Variants in PRAG1 observed in about 807,000 individuals in gnomAD.
PRAG1 encodes inactive tyrosine-protein kinase PRAG1.
A neutral mutation model predicts 95.6 loss-of-function variants in PRAG1; 110 were observed. That is an observed-to-expected ratio of 1.15 (90% CI 0.99 to 1.35). The LOEUF (loss-of-function observed/expected upper bound fraction) is 1.35. PRAG1 is among the 40% of genes most tolerant of loss of function. The pLI, the probability that PRAG1 is intolerant of heterozygous loss-of-function variation, is 0.00. For synonymous variants in PRAG1, 1,052 were observed against 819.4 expected, an observed-to-expected ratio of 1.28 and a Z score of -4.85; for missense variants, 2,554 against 1,864.7, an observed-to-expected ratio of 1.37 and a Z score of -6.81.
At position 8,377,529 on chromosome 8, in the gene PRAG1, A is replaced by C; in HGVS notation, c.880T>G (p.Cys294Gly). The C allele has an allele frequency of 6.3e-7, 1 of 1,583,386 alleles. No homozygotes were observed. Among genetic ancestry groups the C allele is most frequent in the Non-Finnish European group, 8.6e-7 (1 of 1,163,584 alleles). The stretch of plus-strand genomic sequence containing the variant: ...TTCTCCTGCTCTGCGGGCCCGGAAC[A>C]CTTCCCCTGCTCCCAGCACGTGGGT... ...CSPTCWEQGKCSGPAEQEKRG... is the reference protein window; with the variant it reads ...CSPTCWEQGKGSGPAEQEKRG... The change falls in exon 3 of 6, where the codon TGT becomes GGT. Residue 294 changes from cysteine to glycine, a missense_variant. Cys to Gly is a radical substitution (Grantham distance 159, BLOSUM62 -3). Transcript: ENST00000615670.
chr8:8,341,163 T>G (rs1276794705), intron 3 of PRAG1, among the ~76,000 whole-genome samples: 1 of 152,210 alleles, frequency 6.6e-6, no homozygotes, highest in Admixed American at 6.5e-5. Context: ...TTCTAGAGTT[T>G]CTTGGTCTTC....
rs541201739 is a variant in PRAG1, at chr8:8,378,065, C to G, written c.344G>C (p.Arg115Pro). The change falls in exon 3 of 6, where the codon CGA becomes CCA. Residue 115 changes from arginine (R) to proline (P), a missense_variant. Arg to Pro is a moderately radical substitution (Grantham distance 103, BLOSUM62 -2). Transcript: ENST00000615670. ...CGGGAGGGGGAGCTTGCCAGGGGCT[C>G]GTCTCCAGATGACCTACACACAAGC... ...SAEVSQVIWRRAPGKLPLPKQ... is the reference protein window; with the variant it reads ...SAEVSQVIWRPAPGKLPLPKQ... 2 of 1,537,138 alleles carry G rather than the reference C, an allele frequency of 1.3e-6. No individual in the cohort carries two copies. Among genetic ancestry groups the G allele is most frequent in the Admixed American group, 2.0e-5 (1 of 49,582 alleles).
intron 3 of PRAG1, among the ~76,000 whole-genome samples, chr8:8,360,340 A>G (rs970369584): frequency 1.3e-5 from 2 of 152,048 alleles, no homozygotes; most frequent in African/African-American, 4.8e-5. Context: ...CACAGCCCCT[A>G]TGGCACTTAC....
At chr8:8,332,899 T>C (rs1850724) in intron 4 of PRAG1, among the ~76,000 whole-genome samples, 32,208 of 150,982 alleles carry the variant, frequency 0.21, 3,794 homozygotes, top group African/African-American at 0.33. Flanking sequence ...TTCTTACTGT[T>C]TGCAACGGCT....
rs574636156 is a variant in PRAG1, at chr8:8,320,435, C to T, written c.3073-1133G>A. Among the ~76,000 whole-genome samples, 496 of 152,284 alleles carry T rather than the reference C, an allele frequency of 3.3e-3. 4 individuals are homozygous for T. Among genetic ancestry groups the T allele is most frequent in the African/African-American group, 0.011 (468 of 41,562 alleles). On this transcript the variant is annotated intron_variant, in intron 5 of 5. Transcript: ENST00000615670. ...TTCTTGTACAAATGGCAGTGCCAGC[C>T]ACCTGGGGATCTCTAGCAATCCTAG...
chr8:8,378,331 A>G (rs566800421), intron 2 of PRAG1, among the ~76,000 whole-genome samples: 69 of 152,124 alleles, frequency 4.5e-4, no homozygotes, highest in Non-Finnish European at 9.1e-4. Context: ...ATGGACTGTA[A>G]TGCTTTTGGC....
At position 8,339,528 on chromosome 8, in the gene PRAG1, G is replaced by C; in HGVS notation, c.2270C>G (p.Thr757Ser). ...TGAGGCCAGGCTGTCCGTGGAGCCG[G>C]TGGTGAAGCTGACGTGGACACCCCT... ...SFRGVHVSFT[T>S]GSTDSLASDS... The change falls in exon 4 of 6, where the codon ACC becomes AGC. Residue 757 changes from threonine to serine, a missense_variant. Coordinates refer to ENST00000615670, the MANE Select transcript of PRAG1 (RefSeq NM_001080826.3). The C allele has an allele frequency of 6.2e-7, 1 of 1,614,186 alleles. No individual in the cohort carries two copies. The highest frequency in any genetic ancestry group is 2.2e-5 in the East Asian group (1 of 44,880).
intron 5 of PRAG1, among the ~76,000 whole-genome samples, chr8:8,322,760 T>C (rs1798513900): frequency 6.6e-6 from 1 of 152,224 alleles, no homozygotes; most frequent in African/African-American, 2.4e-5. Context: ...TTCCTTTCTA[T>C]TGATAATAAC....
Position 8,327,701 on chromosome 8 carries a change from G to C in PRAG1, c.3072+9C>G. 4 of 1,603,498 alleles carry C rather than the reference G, an allele frequency of 2.5e-6. No homozygotes were observed. The highest frequency in any genetic ancestry group is 3.4e-6 in the Non-Finnish European group (4 of 1,173,460). On this transcript the variant is annotated intron_variant, in intron 5 of 5. Coordinates refer to ENST00000615670, the MANE Select transcript of PRAG1 (RefSeq NM_001080826.3). Reference sequence around the variant, plus strand: ...GCACAGCAGAATGCAAGGAGGGAGTGGTACCTACTTTCACAGCATAGGTGC... The same window carrying C: ...GCACAGCAGAATGCAAGGAGGGAGTCGTACCTACTTTCACAGCATAGGTGC...
At chr8:8,347,622 A>C (rs1388217990) in intron 3 of PRAG1, among the ~76,000 whole-genome samples, 1 of 152,148 alleles carries the variant, frequency 6.6e-6, no homozygotes, top group African/African-American at 2.4e-5. Flanking sequence ...TGTTACCTGC[A>C]GTGGATCTTC....
Position 8,319,138 on chromosome 8 carries a change from G to C in PRAG1, c.3237C>G (p.His1079Gln), listed in dbSNP as rs2011560. The change falls in exon 6 of 6, where the codon CAC (histidine) becomes CAG (glutamine). Residue 1079 changes from histidine to glutamine, a missense_variant. Transcript: ENST00000615670. ...PKDPVPALPT[H>Q]PPAQEQDCVV... ...CGCAGTCCTGCTCCTGGGCAGGGGG[G>C]TGTGTGGGCAGGGCAGGCACAGGGT... The C allele has an allele frequency of 1.4e-3, 2,203 of 1,605,776 alleles. 27 individuals carry two copies. In the African/African-American group the frequency reaches 0.026, roughly 19 times the overall value.
At chr8:8,374,050 G>T (rs1016065717) in intron 3 of PRAG1, among the ~76,000 whole-genome samples, 1 of 152,238 alleles carries the variant, frequency 6.6e-6, no homozygotes, top group African/African-American at 2.4e-5. Flanking sequence ...TTCCCATAGG[G>T]TGTGGGTGTC....
At chr8:8,382,451 C>A (rs1327001276) in intron 1 of PRAG1, among the ~76,000 whole-genome samples, 1 of 152,186 alleles carries the variant, frequency 6.6e-6, no homozygotes, top group Non-Finnish European at 1.5e-5. Context: ...AGTCTGGCAT[C>A]TTGAGAAATA....
chr8:8,337,256 G>A (rs1799020593), intron 4 of PRAG1, among the ~76,000 whole-genome samples: 1 of 152,172 alleles, frequency 6.6e-6, no homozygotes, highest in Non-Finnish European at 1.5e-5. Flanking sequence ...GGTACTGCAT[G>A]CCAAACAGTA....
At chr8:8,370,366 G>A (rs533627317) in intron 3 of PRAG1, among the ~76,000 whole-genome samples, 12 of 152,192 alleles carry the variant, frequency 7.9e-5, no homozygotes, top group Non-Finnish European at 1.8e-4. Flanking sequence ...ATCTGTGGGG[G>A]CCACTGAAAT....
chr8:8,376,629 C>G lies in PRAG1; in HGVS notation c.1780G>C (p.Asp594His). ...GPQPPSQGPA[D>H]PAPSCRTNGV... ...TTGGTCCGGCAGGAAGGAGCGGGGTCAGCAGGACCTTGGGATGGAGGCTGG... is the reference window on the plus strand; with the variant it reads ...TTGGTCCGGCAGGAAGGAGCGGGGTGAGCAGGACCTTGGGATGGAGGCTGG... Residue 594 changes from aspartate to histidine, a missense_variant, in exon 3 of 6, where the codon GAC becomes CAC. Asp to His is a moderately conservative substitution (Grantham distance 81). Transcript: ENST00000615670. 2 of 1,605,642 alleles carry G rather than the reference C, an allele frequency of 1.2e-6. No homozygotes were observed. The highest frequency in any genetic ancestry group is 1.7e-6 in the Non-Finnish European group (2 of 1,175,804).
chr8:8,351,612 C>A (rs763514188), intron 3 of PRAG1, among the ~76,000 whole-genome samples: 12 of 152,252 alleles, frequency 7.9e-5, no homozygotes, highest in Non-Finnish European at 1.3e-4. Context: ...ATTGACCAGA[C>A]CTCATTTTGA....
At chr8:8,354,046 G>T (rs1799610542) in intron 3 of PRAG1, among the ~76,000 whole-genome samples, 1 of 151,874 alleles carries the variant, frequency 6.6e-6, no homozygotes, top group South Asian at 2.1e-4. Flanking sequence ...CCCCTAGATA[G>T]ACTAAGAAAA....
At chr8:8,354,027 A>G (rs1799609963) in intron 3 of PRAG1, among the ~76,000 whole-genome samples, 1 of 152,090 alleles carries the variant, frequency 6.6e-6, no homozygotes, top group Non-Finnish European at 1.5e-5. Flanking sequence ...AACAAGCAAA[A>G]TCAACAAACC....
Sources: gnomAD v4.1 joint callset for allele counts (sites outside exome capture counted in the v4.1 genomes callset) on GRCh38, gnomAD v4.1.1 for gene constraint, MANE v1.5 for transcripts, NCBI Gene and HGNC (gene_info 2026-07-23, HGNC 2026-07-21) for gene names.